ZNF615: variants seen among roughly 807,000 people sequenced by gnomAD.
ZNF615 encodes zinc finger protein 615.
In ZNF615, 15 loss-of-function variants were observed where a neutral mutation model predicts 15.3. That is an observed-to-expected ratio of 0.98 (90% confidence interval 0.66 to 1.51). ZNF615 has a LOEUF of 1.51. Among genes scored for constraint, ZNF615 ranks in the 40% most tolerant of loss-of-function variants. The pLI is 0.00. For synonymous variants in ZNF615, 268 were observed against 294.6 expected (o/e 0.91, Z 0.92); for missense variants, 848 against 895.9 (o/e 0.95, Z 0.68).
intron 2 of ZNF615, among the ~76,000 whole-genome samples, chr19:52,005,212 T>C (rs1456726056): frequency 6.6e-6 from 1 of 152,184 alleles, no homozygotes; most frequent in Non-Finnish European, 1.5e-5. Flanking sequence ...TGAGCCAAGA[T>C]TGTGCCATTG....
chr19:52,000,051 A>C (rs2123049546), intron 6 of ZNF615: 1 of 292,258 alleles, frequency 3.4e-6, no homozygotes, highest in Non-Finnish European at 6.3e-6. Flanking sequence ...CATAAAAAAG[A>C]ACTAAAGCAT....
At chr19:52,004,566 T>C (rs954553249) in intron 2 of ZNF615, 14 of 152,158 alleles carry the variant, frequency 9.2e-5, no homozygotes, top group African/African-American at 3.1e-4. Context: ...CTAATTTTTG[T>C]ACTTTTAGTA....
At chr19:51,996,407 A>AAAAAAAAAAAAAAAC (rs755143397) in intron 6 of ZNF615, among the ~76,000 whole-genome samples, 4 of 138,288 alleles carry the variant, frequency 2.9e-5, no homozygotes, top group South Asian at 2.7e-4. Context: ...AAAAAAAAAA[A>AAAAAAAAAAAAAAAC]ACGCAAAACT....
chr19:52,002,411 C>A, intron 3 of ZNF615, 130 bp from the exon 4 acceptor site: 1 of 1,312,796 alleles, frequency 7.6e-7, no homozygotes, highest in Non-Finnish European at 1.1e-6. Flanking sequence ...TACATTTTGA[C>A]AGAATAAGAA....
rs2086800616 is a variant in ZNF615, at chr19:52,007,911, T to C, written c.-228+230A>G. 3 of 511,002 alleles carry C rather than the reference T, an allele frequency of 5.9e-6. No homozygotes were observed. In the South Asian group the frequency reaches 8.5e-5, roughly 14 times the overall value. 31.7% of individuals were successfully genotyped at this position (511,002 alleles called of 1,614,324 possible). A position where few individuals can be genotyped will look rare whatever the true frequency, so the allele number is the denominator to read the frequency against. ...ACAAACTACACGAGGACCCTGTGAC[T>C]GGTCCCAGAGGTACCCCGATCACAC... On this transcript the variant is annotated intron_variant, in intron 1 of 6. Coordinates refer to ENST00000598071, the MANE Select transcript of ZNF615 (RefSeq NM_001199324.2).
At chr19:51,996,939 T>C (rs2086458280) in intron 6 of ZNF615, among the ~76,000 whole-genome samples, 2 of 152,228 alleles carry the variant, frequency 1.3e-5, no homozygotes, top group African/African-American at 4.8e-5. Flanking sequence ...ATTAATTTGT[T>C]CAATTTAGCC....
intron 3 of ZNF615, among the ~76,000 whole-genome samples, chr19:52,003,489 C>A (rs894897442): frequency 3.7e-4 from 57 of 152,266 alleles, no homozygotes; most frequent in East Asian, 1.9e-4. Flanking sequence ...GCAAATGTAA[C>A]CTACGGGGTC....
In ZNF615 at chr19:51,993,235, T is replaced by G; in HGVS notation, c.1874A>C (p.His625Pro). 1 of 1,614,226 alleles carries G rather than the reference T, an allele frequency of 6.2e-7. No homozygotes were observed. The highest frequency in any genetic ancestry group is 8.5e-7 in the Non-Finnish European group (1 of 1,180,030). ...GFTMKSTLSI[H>P]QQTHTGEKPY... ...CTTCTCTCCAGTATGAGTTTGCTGA[T>G]GTATACTGAGAGTACTCTTCATGGT... Residue 625 changes from histidine to proline, a missense_variant, in exon 7 of 7, where the codon CAT becomes CCT. Coordinates refer to ENST00000598071, the MANE Select transcript of ZNF615 (RefSeq NM_001199324.2).
At position 51,994,824 on chromosome 19, in the gene ZNF615, A is replaced by G. The variant is rs1285102960; in HGVS notation, c.285T>C (p.Ile95=). 1.9e-6 allele frequency: 3 copies of G among 1,579,404 alleles called. No individual in the cohort carries two copies. In the Admixed American group the frequency reaches 5.7e-5, roughly 30 times the overall value. Residue 95 remains isoleucine (I), a synonymous_variant, in exon 7 of 7, where the codon ATT becomes ATC. Transcript: ENST00000598071. The part of the protein sequence containing the change: ...SGGAYAEIRK[I]DDPLQHHLQN... Reference sequence around the variant, plus strand: ...GCAAGTGATGCTGCAGAGGATCATCAATTTTCCTGATTTCTAGGAAAGAAG... The same window carrying G: ...GCAAGTGATGCTGCAGAGGATCATCGATTTTCCTGATTTCTAGGAAAGAAG...
Position 51,994,218 on chromosome 19 carries a change from T to C in ZNF615, c.891A>G (p.Lys297=). Residue 297 remains lysine (K), a synonymous_variant, in exon 7 of 7, where the codon AAA becomes AAG. Transcript: ENST00000598071. ...TCCCACATTGGCTACATGTGTAAGG[T>C]TTCCCTCCCATATGAGTTTTCTGAT... is the stretch of plus-strand genomic sequence containing the variant. The part of the protein sequence containing the change: ...NIHQKTHMGG[K]PYTCSQCGKA... The C allele has an allele frequency of 1.2e-6, 2 of 1,613,948 alleles. No homozygotes were observed. Among genetic ancestry groups the C allele is most frequent in the Non-Finnish European group, 1.7e-6 (2 of 1,180,022 alleles).
chr19:52,003,625 T>C, intron 3 of ZNF615, 72 bp downstream of exon 3: 3 of 1,406,348 alleles, frequency 2.1e-6, no homozygotes, highest in Non-Finnish European at 2.0e-6. Flanking sequence ...TCTGATTAAT[T>C]ACCCTGATTT....
intron 2 of ZNF615, 87 bp from the exon 3 acceptor site, chr19:52,003,987 C>T: frequency 3.4e-6 from 3 of 886,408 alleles, no homozygotes; most frequent in African/African-American, 1.7e-5. Flanking sequence ...AATCAAGGCC[C>T]CCAAATATCT....
At chr19:52,002,375 G>A (rs2086624729) in intron 3 of ZNF615, 94 bp from the exon 4 acceptor site, 1 of 1,549,808 alleles carries the variant, frequency 6.5e-7, no homozygotes, top group Non-Finnish European at 8.7e-7. Flanking sequence ...TCACCACATA[G>A]GAAGCTGGTG....
At chr19:52,002,393 TTTC>T in intron 3 of ZNF615, 112 bp from the exon 4 acceptor site, 1 of 1,478,648 alleles carries the variant, frequency 6.8e-7, no homozygotes, top group Non-Finnish European at 9.4e-7. Flanking sequence ...GTGGGGTTTT[TTTC>T]TTAGTACATT....
rs773191651 is a variant in ZNF615, at chr19:52,001,889, T to C, written c.162A>G (p.Pro54=). The C allele has an allele frequency of 1.9e-6, 3 of 1,614,084 alleles. No homozygotes were observed. The highest frequency in any genetic ancestry group is 1.3e-5 in the African/African-American group (1 of 74,924). Residue 54 remains proline (P), a synonymous_variant, in exon 5 of 7, where the codon CCA becomes CCG. Transcript: ENST00000598071. ...LVAVGYQASK[P]DALSKLERGE... is the part of the protein sequence containing the mutation. ...CTCGTTCCAATTTGGAGAGTGCATCTGGTTTGCTGGCTTGATACCCTGTTC... is the reference window on the plus strand; with the variant it reads ...CTCGTTCCAATTTGGAGAGTGCATCCGGTTTGCTGGCTTGATACCCTGTTC...
chr19:52,003,963 A>C, intron 2 of ZNF615, 63 bp from the exon 3 acceptor site: 1 of 1,190,166 alleles, frequency 8.4e-7, no homozygotes, highest in Non-Finnish European at 1.1e-6. Context: ...CACTGTTCCT[A>C]TATGCTCACC....
chr19:51,996,385 C>CAAAAAAAAAAAAAAAAAAA lies in ZNF615; in HGVS notation c.272-1567_272-1549dup, dbSNP rs1172310589. The stretch of plus-strand genomic sequence containing the variant: ...GGGGTGACACAGCAAGACTCTGTCT[C>CAAAAAAAAAAAAAAAAAAA]AAAAAAAAAAAAAAAAAAAAAAACG... On this transcript the variant is annotated intron_variant, in intron 6 of 6. Transcript: ENST00000598071. 1.4e-3 allele frequency among the ~76,000 whole-genome samples: 47 copies of CAAAAAAAAAAAAAAAAAAA among 33,304 alleles called. 1 individual carries two copies. Among genetic ancestry groups the CAAAAAAAAAAAAAAAAAAA allele is most frequent in the African/African-American group, 1.9e-3 (16 of 8,358 alleles). The allele number at this position is 33,304 out of a possible 152,430, so 21.8% of individuals were successfully genotyped here.
intron 2 of ZNF615, chr19:52,004,626 C>T (rs2086696941): frequency 6.6e-6 from 1 of 152,106 alleles, no homozygotes. Flanking sequence ...CTCCTGAGCT[C>T]AACTGATCCA....
chr19:51,999,933 C>G (rs2086542681), intron 6 of ZNF615, among the ~76,000 whole-genome samples: 1 of 152,148 alleles, frequency 6.6e-6, no homozygotes, highest in African/African-American at 2.4e-5. Context: ...TTAAACAGGA[C>G]AGCCTGCAGC....
Sources: gnomAD v4.1 joint callset for allele counts (sites outside exome capture counted in the v4.1 genomes callset) on GRCh38, gnomAD v4.1.1 for gene constraint, MANE v1.5 for transcripts, NCBI Gene and HGNC (gene_info 2026-07-23, HGNC 2026-07-21) for gene names.